Variants in SH3D19 observed in about 807,000 individuals in gnomAD.
SH3D19 encodes the protein SH3 domain containing 19, also known as SH3 domain-containing protein 19.
A neutral mutation model predicts 112.1 loss-of-function variants in SH3D19; 58 were observed. The ratio of observed to expected loss-of-function variants is 0.52; its 90% confidence interval spans 0.42 to 0.64. The LOEUF is 0.64. Among genes scored for constraint, SH3D19 ranks in the 30% least tolerant of loss-of-function variants. The pLI, the probability that SH3D19 is intolerant of heterozygous loss-of-function variation, is 0.00. For missense variants in SH3D19, 1,090 were observed against 1,263.4 expected (o/e 0.86, Z 2.08); for synonymous variants, 391 against 448.5 (o/e 0.87, Z 1.62).
intron 1 of SH3D19, among the ~76,000 whole-genome samples, chr4:151,275,181 G>A (rs1173261950): frequency 1.3e-5 from 2 of 151,848 alleles, no homozygotes; most frequent in East Asian, 3.9e-4. Flanking sequence ...CTGCCTCCAG[G>A]GTTCACGCCA....
intron 19 of SH3D19, among the ~76,000 whole-genome samples, chr4:151,126,763 ACTCCAGCCT>A: frequency 7.0e-6 from 1 of 143,568 alleles, no homozygotes; most frequent in South Asian, 2.3e-4. Context: ...GCCCCACTGC[ACTCCAGCCT>A]GGGTGACAGA....
At chr4:151,298,702 G>T (rs1281993928) in intron 1 of SH3D19, among the ~76,000 whole-genome samples, 1 of 152,100 alleles carries the variant, frequency 6.6e-6, no homozygotes, top group Non-Finnish European at 1.5e-5. Flanking sequence ...CTGCATCCAA[G>T]AAAGCACTCA....
intron 1 of SH3D19, among the ~76,000 whole-genome samples, chr4:151,313,885 G>A (rs923797635): frequency 6.6e-6 from 1 of 152,100 alleles, no homozygotes; most frequent in East Asian, 1.9e-4. Flanking sequence ...GGGGGCCTTC[G>A]AGTGTTATGT....
chr4:151,150,274 T>TAC (rs1161667547), intron 9 of SH3D19, among the ~76,000 whole-genome samples: 6 of 133,474 alleles, frequency 4.5e-5, no homozygotes, highest in Non-Finnish European at 9.4e-5. Flanking sequence ...TACATATATA[T>TAC]ACACACACAT....
At chr4:151,285,238 C>T (rs1774631218) in intron 1 of SH3D19, among the ~76,000 whole-genome samples, 1 of 152,088 alleles carries the variant, frequency 6.6e-6, no homozygotes, top group Non-Finnish European at 1.5e-5. Context: ...CAGAGTTTGT[C>T]AGAGACAAGT....
At chr4:151,159,123 T>C (rs1279344493) in intron 9 of SH3D19, 117 bp downstream of exon 9, 4 of 556,202 alleles carry the variant, frequency 7.2e-6, no homozygotes, top group Middle Eastern at 4.4e-4. Flanking sequence ...TGGTCTCTAA[T>C]AGAGGGTTCT....
intron 2 of SH3D19, among the ~76,000 whole-genome samples, chr4:151,192,791 T>C (rs1374896015): frequency 6.6e-6 from 1 of 152,180 alleles, no homozygotes; most frequent in Non-Finnish European, 1.5e-5. Context: ...TCCCAAGAAA[T>C]GGGCATGCTG....
chr4:151,164,248 C>T (rs544998169), intron 8 of SH3D19, among the ~76,000 whole-genome samples: 11 of 152,192 alleles, frequency 7.2e-5, no homozygotes, highest in African/African-American at 1.7e-4. Context: ...AGAATGCATG[C>T]GGGCTATGAT....
intron 1 of SH3D19, among the ~76,000 whole-genome samples, chr4:151,272,253 G>A (rs1034182748): frequency 6.6e-6 from 1 of 152,186 alleles, no homozygotes; most frequent in African/African-American, 2.4e-5. Context: ...ATCATCAACT[G>A]ATTCCAGCAC....
rs34219685 is a variant in SH3D19 at position 151,148,254 on chromosome 4, T to TACACACACACACACAC, written c.1818-84_1818-69dup. 170 of 983,812 alleles carry TACACACACACACACAC rather than the reference T, an allele frequency of 1.7e-4. No homozygotes were observed. The African/African-American group carries it at 2.7e-3, about 15-fold the overall frequency. 60.9% of individuals were successfully genotyped at this position (983,812 alleles called of 1,614,324 possible). On this transcript the variant is annotated intron_variant, in intron 10 of 19. Transcript: ENST00000604030. Reference sequence around the variant, plus strand: ...TATTAAATTCTGTCCTGTCCTGTCTTACACACACACACACACACACACACA... The same window carrying TACACACACACACACAC: ...TATTAAATTCTGTCCTGTCCTGTCTTACACACACACACACACACACACACACACACACACACACACA...
At chr4:151,216,117 C>G (rs1767053594) in intron 2 of SH3D19, among the ~76,000 whole-genome samples, 1 of 152,210 alleles carries the variant, frequency 6.6e-6, no homozygotes. Flanking sequence ...GCATGAGCCA[C>G]CGCGCCCAGC....
At chr4:151,299,950 C>T (rs1728202780) in intron 1 of SH3D19, among the ~76,000 whole-genome samples, 1 of 152,116 alleles carries the variant, frequency 6.6e-6, no homozygotes, top group African/African-American at 2.4e-5. Context: ...GCCTGTAATC[C>T]TAGCACTTTG....
Position 151,133,328 on chromosome 4 carries a change from T to C in SH3D19, c.2487-92A>G, listed in dbSNP as rs1751142285. The C allele has an allele frequency of 2.8e-6, 3 of 1,071,226 alleles. No homozygotes were observed. The South Asian group carries it at 4.4e-5, about 16-fold the overall frequency. 66.4% of individuals were successfully genotyped at this position (1,071,226 alleles called of 1,614,324 possible). The stretch of plus-strand genomic sequence containing the variant: ...TCAGTCTTTCAATAAATATTTATTC[T>C]GGGTTTACCATGGAATAAGGTATAC... On this transcript the variant is annotated intron_variant, in intron 15 of 19. Coordinates refer to ENST00000604030, the MANE Select transcript of SH3D19 (RefSeq NM_001378122.1).
rs775310615 is a variant in SH3D19, at chr4:151,286,458, T to C, written c.112+38783A>G. 6.9e-4 allele frequency among the ~76,000 whole-genome samples: 104 copies of C among 151,626 alleles called. 2 individuals carry two copies. In the Middle Eastern group the frequency reaches 0.024, roughly 35 times the overall value. The stretch of plus-strand genomic sequence containing the variant: ...AAAAAGAATTTGTAACACACTACTA[T>C]GAATAACAGTATGCCAAAAAATTAG... On this transcript the variant is annotated intron_variant, in intron 1 of 19. Transcript: ENST00000604030.
chr4:151,149,822 T>C (rs539645723), intron 9 of SH3D19, among the ~76,000 whole-genome samples: 137 of 152,258 alleles, frequency 9.0e-4, no homozygotes, highest in Non-Finnish European at 1.6e-3. Flanking sequence ...CTGCACTGCA[T>C]GGTCATGCAC....
intron 1 of SH3D19, among the ~76,000 whole-genome samples, chr4:151,298,181 ATTTT>A (rs386401883): frequency 4.2e-5 from 4 of 94,894 alleles, no homozygotes; most frequent in African/African-American, 8.4e-5. Context: ...AGAATAATAA[ATTTT>A]TTTTTTTTTT....
At chr4:151,210,623 G>A (rs1765817585) in intron 2 of SH3D19, among the ~76,000 whole-genome samples, 1 of 151,976 alleles carries the variant, frequency 6.6e-6, no homozygotes, top group Non-Finnish European at 1.5e-5. Context: ...GGATGGTCTT[G>A]ATCTCCTGAC....
chr4:151,234,833 G>A (rs1176347410), intron 1 of SH3D19, among the ~76,000 whole-genome samples: 2 of 132,454 alleles, frequency 1.5e-5, no homozygotes, highest in African/African-American at 2.9e-5. Flanking sequence ...CTGCAGCCTC[G>A]ACCTCCTGGG....
At chr4:151,264,623 G>T (rs886958911) in intron 1 of SH3D19, among the ~76,000 whole-genome samples, 3 of 152,088 alleles carry the variant, frequency 2.0e-5, no homozygotes, top group Non-Finnish European at 4.4e-5. Context: ...AGCTAAGGCT[G>T]ACTGTGTTTA....
Sources: gnomAD v4.1 joint callset for allele counts (sites outside exome capture counted in the v4.1 genomes callset) on GRCh38, gnomAD v4.1.1 for gene constraint, MANE v1.5 for transcripts, NCBI Gene and HGNC (gene_info 2026-07-23, HGNC 2026-07-21) for gene names.